AKAP7: variants seen among roughly 807,000 people sequenced by gnomAD.
AKAP7 encodes A-kinase anchoring protein 7, also known as A kinase (PRKA) anchor protein 7.
Under a neutral mutation model 39.5 loss-of-function variants are expected in AKAP7, and 39 were observed. The observed-to-expected ratio is 0.99, with a 90% CI of 0.76 to 1.29. AKAP7 has a LOEUF of 1.29. Among genes scored for constraint, AKAP7 ranks in the 50% most tolerant of loss-of-function variants. The pLI is 0.00. For missense variants in AKAP7, 414 were observed against 407.7 expected, an observed-to-expected ratio of 1.02 and a Z score of -0.13; for synonymous variants, 140 against 139.1, an observed-to-expected ratio of 1.01 and a Z score of -0.05.
chr6:131,126,434 T>G, the AKAP7 span, among the ~76,000 whole-genome samples: 1 of 152,198 alleles, frequency 6.6e-6, no homozygotes, highest in African/African-American at 2.4e-5. Context: ...CAGGTATTAT[T>G]AGATTTATGA....
chr6:131,227,816 A>G (rs1473300309), intron 7 of AKAP7, among the ~76,000 whole-genome samples: 2 of 152,200 alleles, frequency 1.3e-5, no homozygotes, highest in Non-Finnish European at 2.9e-5. Context: ...AGTAGAGTCA[A>G]TGAATTATTC....
intron 5 of AKAP7, among the ~76,000 whole-genome samples, chr6:131,171,054 T>G (rs994903314): frequency 6.6e-6 from 1 of 152,192 alleles, no homozygotes; most frequent in African/African-American, 2.4e-5. Context: ...TACCTCTAAA[T>G]TTCATTTCTT....
chr6:131,257,216 C>T (rs1221925964), intron 7 of AKAP7, among the ~76,000 whole-genome samples: 9 of 151,910 alleles, frequency 5.9e-5, no homozygotes, highest in African/African-American at 2.2e-4. Flanking sequence ...AATTGCATAG[C>T]CGCAGTAAGA....
intron 1 of AKAP7, among the ~76,000 whole-genome samples, chr6:131,136,374 A>G (rs780584937): frequency 1.4e-4 from 22 of 152,328 alleles, no homozygotes; most frequent in Non-Finnish European, 2.4e-4. Flanking sequence ...TCCGCAAACC[A>G]ATTAGAGAAA....
intron 2 of AKAP7, among the ~76,000 whole-genome samples, chr6:131,157,021 C>T (rs1052848937): frequency 3.2e-4 from 49 of 152,060 alleles, no homozygotes; most frequent in East Asian, 3.9e-4. Context: ...GTGATCCGCC[C>T]GCCTCAGCCT....
intron 5 of AKAP7, among the ~76,000 whole-genome samples, chr6:131,169,699 G>A (rs1198105796): frequency 6.6e-6 from 1 of 152,190 alleles, no homozygotes; most frequent in Admixed American, 6.5e-5. Context: ...ACAATTGAAA[G>A]TGTCAGGGAA....
At chr6:131,240,305 C>T (rs1273094214) in intron 7 of AKAP7, among the ~76,000 whole-genome samples, 1 of 152,220 alleles carries the variant, frequency 6.6e-6, no homozygotes, top group East Asian at 1.9e-4. Flanking sequence ...TGTGAGGTGT[C>T]AGTCTGCCCC....
chr6:131,231,989 C>G (rs1810664394), intron 7 of AKAP7, among the ~76,000 whole-genome samples: 1 of 152,132 alleles, frequency 6.6e-6, no homozygotes, highest in Admixed American at 6.5e-5. Context: ...TTAGACGAAG[C>G]TTTGGGATAA....
chr6:131,137,177 A>G (rs1222923000), intron 1 of AKAP7, among the ~76,000 whole-genome samples: 1 of 151,890 alleles, frequency 6.6e-6, no homozygotes, highest in East Asian at 1.9e-4. Flanking sequence ...CATGTCACCA[A>G]GGCTTGAACT....
At chr6:131,203,160 CA>C in intron 6 of AKAP7, among the ~76,000 whole-genome samples, 1 of 152,328 alleles carries the variant, frequency 6.6e-6, no homozygotes, top group Middle Eastern at 3.4e-3. Flanking sequence ...AGGTGGCATA[CA>C]TACAAGATGA....
chr6:131,207,517 T>TTTTTTA (rs1367120493), intron 6 of AKAP7, among the ~76,000 whole-genome samples: 9 of 141,562 alleles, frequency 6.4e-5, no homozygotes, highest in African/African-American at 2.5e-4. Flanking sequence ...TTTTTTTTTT[T>TTTTTTA]AGATATGGGG....
At chr6:131,154,400 A>G (rs1241311086) in intron 2 of AKAP7, among the ~76,000 whole-genome samples, 2 of 152,006 alleles carry the variant, frequency 1.3e-5, no homozygotes, top group African/African-American at 4.8e-5. Flanking sequence ...TTTACCACAA[A>G]TCACAGAAAG....
At chr6:131,170,576 C>A (rs1364044833) in intron 5 of AKAP7, among the ~76,000 whole-genome samples, 2 of 152,140 alleles carry the variant, frequency 1.3e-5, no homozygotes, top group Non-Finnish European at 2.9e-5. Flanking sequence ...ATAAAAAGGG[C>A]ATCTTGTTGT....
At chr6:131,271,769 C>T (rs986271337) in intron 7 of AKAP7, among the ~76,000 whole-genome samples, 38 of 152,154 alleles carry the variant, frequency 2.5e-4, no homozygotes, top group South Asian at 8.3e-4. Flanking sequence ...GGTAACCATT[C>T]GTAGGGAGTC....
intron 5 of AKAP7, among the ~76,000 whole-genome samples, chr6:131,172,187 C>G (rs1443037143): frequency 3.3e-5 from 5 of 151,980 alleles, no homozygotes; most frequent in Admixed American, 3.3e-4. Context: ...GATCAGTATA[C>G]AAAAACCTAT....
chr6:131,264,178 T>G (rs910173285), intron 7 of AKAP7, among the ~76,000 whole-genome samples: 3 of 152,162 alleles, frequency 2.0e-5, no homozygotes, highest in Non-Finnish European at 4.4e-5. Flanking sequence ...ACAAGGAAGG[T>G]GAGAGCAAAG....
intron 7 of AKAP7, among the ~76,000 whole-genome samples, chr6:131,279,660 A>G (rs1406656583): frequency 6.6e-6 from 1 of 152,138 alleles, no homozygotes; most frequent in Non-Finnish European, 1.5e-5. Flanking sequence ...GGAACATTAG[A>G]CCCAAAAGGG....
intron 5 of AKAP7, among the ~76,000 whole-genome samples, chr6:131,180,750 A>G (rs75743413): frequency 0.051 from 7,799 of 151,768 alleles, 632 homozygotes; most frequent in African/African-American, 0.18. Context: ...CGAATGCTCT[A>G]GATTTATTCA....
intron 6 of AKAP7, 33 bp downstream of exon 6, chr6:131,199,606 A>T: frequency 1.4e-6 from 2 of 1,441,394 alleles, no homozygotes. Flanking sequence ...AGCCTGTTTT[A>T]CCAGGCCACA....
Sources: allele counts gnomAD v4.1 joint callset (sites outside exome capture counted in the v4.1 genomes callset), GRCh38; gene constraint gnomAD v4.1.1; transcripts MANE v1.5; gene names NCBI Gene and HGNC (gene_info 2026-07-23, HGNC 2026-07-21).